The following ELP3 variants were observed in gnomAD, a reference collection of about 807,000 sequenced individuals.
ELP3 encodes elongator acetyltransferase complex subunit 3, also known as elongator complex protein 3.
Under a neutral mutation model 74.9 loss-of-function variants are expected in ELP3, and 56 were observed. The ratio of observed to expected loss-of-function variants is 0.75; its 90% CI spans 0.60 to 0.93. The LOEUF is 0.93. Ranked by LOEUF, ELP3 falls within the 40% of genes least tolerant of loss-of-function variation. The pLI, the probability that ELP3 is intolerant of heterozygous loss-of-function variation, is 0.00. For synonymous variants in ELP3, 222 were observed against 239.8 expected (o/e 0.93, Z 0.68); for missense variants, 573 against 686.5 (o/e 0.83, Z 1.85).
chr8:28,158,050 CAAAA>C (rs11323782), intron 11 of ELP3, among the ~76,000 whole-genome samples: 276 of 93,644 alleles, frequency 2.9e-3, no homozygotes, highest in East Asian at 6.5e-3. Flanking sequence ...GCCCTTCTTG[CAAAA>C]AAAAAAAAAA....
chr8:28,112,218 C>A lies in ELP3; in HGVS notation c.463-801C>A, dbSNP rs1811945305. On this transcript the variant is annotated intron_variant, in intron 6 of 14. Coordinates refer to ENST00000256398, the MANE Select transcript of ELP3 (RefSeq NM_018091.6). Reference sequence around the variant, plus strand: ...GGAGTGCAGTGGCACAATCTTGGGTCACTGCAACCTCCGCCTCCTGGTTCA... The same window carrying A: ...GGAGTGCAGTGGCACAATCTTGGGTAACTGCAACCTCCGCCTCCTGGTTCA... Among the ~76,000 whole-genome samples, 2 of 151,860 alleles carry A rather than the reference C, an allele frequency of 1.3e-5. 1 individual carries two copies. Among genetic ancestry groups the A allele is most frequent in the South Asian group, 4.2e-4 (2 of 4,810 alleles).
chr8:28,093,257 G>T (rs776128687), intron 1 of ELP3, 24 bp downstream of exon 1: 6 of 1,612,774 alleles, frequency 3.7e-6, no homozygotes, highest in Admixed American at 1.7e-5. Context: ...AGGAGATGGG[G>T]GAAAGGGGTG....
At chr8:28,129,392 C>A in intron 7 of ELP3, 110 bp from the exon 8 acceptor site, 1 of 1,145,272 alleles carries the variant, frequency 8.7e-7, no homozygotes, top group Non-Finnish European at 1.3e-6. Flanking sequence ...CCAGAGCCTA[C>A]ACTCTTTACC....
At chr8:28,123,027 G>A (rs899978307) in intron 7 of ELP3, among the ~76,000 whole-genome samples, 3 of 152,202 alleles carry the variant, frequency 2.0e-5, no homozygotes, top group Non-Finnish European at 4.4e-5. Context: ...GGGAAGCTGA[G>A]GCAGGAGAAT....
intron 13 of ELP3, among the ~76,000 whole-genome samples, 175 bp downstream of exon 13, chr8:28,160,631 T>A (rs1814038884): frequency 6.6e-6 from 1 of 152,220 alleles, no homozygotes; most frequent in Non-Finnish European, 1.5e-5. Context: ...CTCCAAATTG[T>A]ATCCTTTTGG....
upstream of ELP3, chr8:28,092,696 T>A (rs1811086597): frequency 5.3e-6 from 1 of 190,346 alleles, no homozygotes; most frequent in Non-Finnish European, 1.1e-5. Context: ...CCTCGGATTC[T>A]TACTCGATTC....
At chr8:28,091,112 T>C (rs368044780), upstream of ELP3, among the ~76,000 whole-genome samples, 3 of 152,146 alleles carry the variant, frequency 2.0e-5, no homozygotes, top group Non-Finnish European at 2.9e-5. Flanking sequence ...TTCATCATGT[T>C]AGCCAGGATG....
chr8:28,096,845 A>G (rs1367364973), intron 1 of ELP3, among the ~76,000 whole-genome samples: 3 of 152,226 alleles, frequency 2.0e-5, no homozygotes, highest in Admixed American at 6.5e-5. Context: ...ACTCTAAAGT[A>G]TTATGCACAT....
intron 13 of ELP3, among the ~76,000 whole-genome samples, chr8:28,161,609 A>AG (rs1243884944): frequency 2.6e-4 from 36 of 140,922 alleles, no homozygotes; most frequent in African/African-American, 9.9e-4. Flanking sequence ...CCGTCTCAAG[A>AG]GAAAAAAAAA....
At chr8:28,151,353 C>G (rs1230798617) in intron 10 of ELP3, among the ~76,000 whole-genome samples, 3 of 152,120 alleles carry the variant, frequency 2.0e-5, no homozygotes, top group Non-Finnish European at 4.4e-5. Context: ...TTCTAGCTAC[C>G]TTTTCCGTCA....
intron 14 of ELP3, among the ~76,000 whole-genome samples, chr8:28,174,460 A>T (rs1224249926): frequency 2.0e-5 from 3 of 152,088 alleles, no homozygotes; most frequent in Non-Finnish European, 2.9e-5. Flanking sequence ...CTTGGGGATC[A>T]TAATTAACAT....
In ELP3 at chr8:28,133,840, C is replaced by T. The variant is rs192531018; in HGVS notation, c.906+1436C>T. 7.9e-4 allele frequency among the ~76,000 whole-genome samples: 120 copies of T among 152,186 alleles called. 1 individual carries two copies. The East Asian group carries it at 0.018, about 23-fold the overall frequency. On this transcript the variant is annotated intron_variant, in intron 9 of 14. Transcript: ENST00000256398. ...CAGATATCCCTCTTCGTAATTCCCC[C>T]ACAATGGATATGTAATAGACTGTGA...
At chr8:28,163,275 G>A (rs1814173572) in intron 14 of ELP3, among the ~76,000 whole-genome samples, 1 of 152,150 alleles carries the variant, frequency 6.6e-6, no homozygotes, top group African/African-American at 2.4e-5. Context: ...TTTTCATCCA[G>A]CATGTTTGTT....
chr8:28,107,657 GCTTAAACCT>G (rs1470943761), intron 4 of ELP3, among the ~76,000 whole-genome samples: 2 of 152,116 alleles, frequency 1.3e-5, no homozygotes, highest in Non-Finnish European at 2.9e-5. Flanking sequence ...GCCCCTAAAA[GCTTAAACCT>G]CTGAAATAAA....
intron 14 of ELP3, among the ~76,000 whole-genome samples, chr8:28,182,220 C>T (rs1292199257): frequency 6.6e-6 from 1 of 152,160 alleles, no homozygotes; most frequent in East Asian, 1.9e-4. Context: ...CACTCTTTCC[C>T]CTACAATTTC....
intron 6 of ELP3, 126 bp from the exon 7 acceptor site, chr8:28,112,893 T>G (rs1811975473): frequency 1.3e-6 from 1 of 787,448 alleles, no homozygotes; most frequent in South Asian, 3.3e-5. Flanking sequence ...TAGCTAAGTG[T>G]GTTTCATTAC....
At chr8:28,148,363 A>G (rs1443317519) in intron 10 of ELP3, among the ~76,000 whole-genome samples, 3 of 152,152 alleles carry the variant, frequency 2.0e-5, no homozygotes, top group Non-Finnish European at 2.9e-5. Context: ...CATGGTGTAG[A>G]TAGCCGGCAG....
intron 14 of ELP3, among the ~76,000 whole-genome samples, chr8:28,162,695 C>G (rs1162095749): frequency 1.3e-5 from 2 of 152,064 alleles, no homozygotes; most frequent in African/African-American, 4.8e-5. Context: ...AACAGGAAAG[C>G]CTTTATAAGG....
At chr8:28,139,663 G>A (rs548191490) in intron 10 of ELP3, among the ~76,000 whole-genome samples, 3 of 152,126 alleles carry the variant, frequency 2.0e-5, no homozygotes, top group African/African-American at 4.8e-5. Flanking sequence ...ATAATCTAGA[G>A]GCCAGGCGTG....
Sources: allele counts gnomAD v4.1 joint callset (sites outside exome capture counted in the v4.1 genomes callset), GRCh38; gene constraint gnomAD v4.1.1; transcripts MANE v1.5; gene names NCBI Gene and HGNC (gene_info 2026-07-23, HGNC 2026-07-21).